Variants in CGNL1 observed in about 807,000 individuals in gnomAD.
CGNL1 encodes the protein cingulin-like protein 1.
In CGNL1, 132 loss-of-function variants were observed where a neutral mutation model predicts 141.2. The ratio of observed to expected loss-of-function variants is 0.93; its 90% CI spans 0.81 to 1.08. The LOEUF (loss-of-function observed/expected upper bound fraction) is 1.08, where lower values mean the gene tolerates loss of function less well. Among genes scored for constraint, CGNL1 ranks in the 50% least tolerant of loss-of-function variants. The pLI, the probability that CGNL1 is intolerant of heterozygous loss-of-function variation, is 0.00. For synonymous variants in CGNL1, 690 were observed against 622.1 expected, an observed-to-expected ratio of 1.11 and a Z score of -1.63; for missense variants, 1,870 against 1,588.6, an observed-to-expected ratio of 1.18 and a Z score of -3.01.
At chr15:57,509,749 T>C (rs2030071861) in intron 8 of CGNL1, among the ~76,000 whole-genome samples, 1 of 152,260 alleles carries the variant, frequency 6.6e-6, no homozygotes, top group Non-Finnish European at 1.5e-5. Context: ...ATATGTGTGA[T>C]ACAATTGTTA....
intron 8 of CGNL1, among the ~76,000 whole-genome samples, chr15:57,486,506 G>T (rs959177196): frequency 3.9e-5 from 6 of 152,212 alleles, no homozygotes; most frequent in Non-Finnish European, 5.9e-5. Context: ...ACATGAGTCC[G>T]TCCAGTCTTC....
intron 13 of CGNL1, among the ~76,000 whole-genome samples, chr15:57,530,246 C>G (rs1472526194): frequency 6.6e-6 from 1 of 152,208 alleles, no homozygotes; most frequent in African/African-American, 2.4e-5. Flanking sequence ...CTGCTATATC[C>G]TGACTAAAGA....
chr15:57,415,968 T>G (rs2062843993), intron 1 of CGNL1, among the ~76,000 whole-genome samples: 1 of 152,174 alleles, frequency 6.6e-6, no homozygotes, highest in African/African-American at 2.4e-5. Flanking sequence ...GTGGGATCCC[T>G]GCTCTGGGGC....
intron 1 of CGNL1, among the ~76,000 whole-genome samples, chr15:57,383,637 T>TG: frequency 6.8e-6 from 1 of 146,534 alleles, no homozygotes; most frequent in Non-Finnish European, 1.5e-5. Context: ...TTTTCTTTTT[T>TG]TTTTTGAGAT....
intron 8 of CGNL1, among the ~76,000 whole-genome samples, chr15:57,496,204 G>A (rs2063935700): frequency 6.6e-6 from 1 of 152,062 alleles, no homozygotes; most frequent in South Asian, 2.1e-4. Flanking sequence ...TTACTTGTAG[G>A]GCCTTAAAAC....
chr15:57,513,021 A>C (rs55777040), intron 8 of CGNL1, among the ~76,000 whole-genome samples: 20,293 of 151,960 alleles, frequency 0.13, 1,703 homozygotes, highest in Admixed American at 0.19. Context: ...AACTATTGAA[A>C]TTGTACAGTT....
intron 8 of CGNL1, among the ~76,000 whole-genome samples, chr15:57,499,912 G>A (rs376326707): frequency 1.6e-4 from 24 of 152,208 alleles, no homozygotes; most frequent in East Asian, 7.7e-4. Context: ...TGGAGGCCAG[G>A]CTGAGGGGAG....
At position 57,544,592 on chromosome 15, in the gene CGNL1, G is replaced by A; in HGVS notation, c.3495G>A (p.Glu1165=). ...AGCTGGAGGACCGCCTGGAGAGTGA[G>A]GAGAGGTGAGCCGGGCCCACCCACT... ...IAELEDRLES[E]ERDRANLQLS... The change falls in exon 16 of 19, where the codon GAG becomes GAA. Residue 1165 remains glutamate (E), a synonymous_variant. Coordinates refer to ENST00000281282, the MANE Select transcript of CGNL1 (RefSeq NM_032866.5). 1.3e-6 allele frequency: 2 copies of A among 1,578,510 alleles called. No homozygotes were observed. Among genetic ancestry groups the A allele is most frequent in the East Asian group, 2.3e-5 (1 of 43,678 alleles).
chr15:57,389,599 G>T (rs1706392), intron 1 of CGNL1, among the ~76,000 whole-genome samples: 94,013 of 151,796 alleles, frequency 0.62, 29,538 homozygotes, highest in East Asian at 0.85. Context: ...TTTACTCAGT[G>T]TCCTGTGGGC....
intron 1 of CGNL1, among the ~76,000 whole-genome samples, chr15:57,432,825 A>T (rs1385417372): frequency 3.9e-5 from 6 of 152,256 alleles, no homozygotes; most frequent in African/African-American, 1.4e-4. Context: ...TGTCAAGGAA[A>T]TGTAAATTGT....
At chr15:57,500,301 G>A (rs1444562209) in intron 8 of CGNL1, among the ~76,000 whole-genome samples, 4 of 152,190 alleles carry the variant, frequency 2.6e-5, no homozygotes, top group African/African-American at 9.7e-5. Flanking sequence ...CAGAGAGGCC[G>A]TGTGTTGGGA....
chr15:57,510,951 T>C (rs1353387220), intron 8 of CGNL1, among the ~76,000 whole-genome samples: 2 of 152,146 alleles, frequency 1.3e-5, no homozygotes, highest in African/African-American at 4.8e-5. Context: ...GAGGTACCCA[T>C]GAAAAGACAA....
intron 8 of CGNL1, 130 bp from the exon 9 acceptor site, chr15:57,516,650 A>G: frequency 1.1e-6 from 1 of 932,738 alleles, no homozygotes; most frequent in Middle Eastern, 3.4e-4. Context: ...TCGTTTGCCG[A>G]CCCCTGGCTC....
chr15:57,489,467 A>G (rs1382952249), intron 8 of CGNL1, among the ~76,000 whole-genome samples: 1 of 152,222 alleles, frequency 6.6e-6, no homozygotes, highest in South Asian at 2.1e-4. Flanking sequence ...CTTTATATAG[A>G]TAATATTTTT....
chr15:57,427,625 T>A (rs1474599373), intron 1 of CGNL1, among the ~76,000 whole-genome samples: 1 of 152,248 alleles, frequency 6.6e-6, no homozygotes, highest in African/African-American at 2.4e-5. Context: ...TTGTTTTGAG[T>A]GACCGAGAAG....
At chr15:57,436,569 T>C (rs145341225) in intron 1 of CGNL1, among the ~76,000 whole-genome samples, 1 of 152,326 alleles carries the variant, frequency 6.6e-6, no homozygotes, top group African/African-American at 2.4e-5. Context: ...GGAACTGACA[T>C]AATTTTTAAG....
At chr15:57,491,579 C>T (rs563253265) in intron 8 of CGNL1, among the ~76,000 whole-genome samples, 1 of 152,260 alleles carries the variant, frequency 6.6e-6, no homozygotes, top group African/African-American at 2.4e-5. Context: ...TTCCTGAATC[C>T]ACTACATGTA....
intron 1 of CGNL1, among the ~76,000 whole-genome samples, chr15:57,426,935 A>T (rs542091497): frequency 6.6e-6 from 1 of 152,230 alleles, no homozygotes; most frequent in African/African-American, 2.4e-5. Flanking sequence ...TGAAGGCTGG[A>T]ATGGGGTGAG....
chr15:57,451,280 G>A (rs1262326219), intron 4 of CGNL1, among the ~76,000 whole-genome samples: 3 of 152,184 alleles, frequency 2.0e-5, no homozygotes, highest in African/African-American at 7.2e-5. Flanking sequence ...GGTAAATGCT[G>A]TAGAATAAAG....
Sources: gnomAD v4.1 joint callset for allele counts (sites outside exome capture counted in the v4.1 genomes callset) on GRCh38, gnomAD v4.1.1 for gene constraint, MANE v1.5 for transcripts, NCBI Gene and HGNC (gene_info 2026-07-23, HGNC 2026-07-21) for gene names.